SNED1: variants seen among roughly 807,000 people sequenced by gnomAD.
SNED1 encodes the protein sushi, nidogen and EGF like domains 1, also known as sushi, nidogen and EGF-like domain-containing protein 1.
Under a neutral mutation model 166.7 loss-of-function variants are expected in SNED1, and 81 were observed. The observed-to-expected ratio is 0.49, with a 90% CI of 0.41 to 0.58. SNED1 has a LOEUF of 0.58. SNED1 is among the 20% of genes least tolerant of loss of function. The pLI, the probability that SNED1 is intolerant of heterozygous loss-of-function variation, is 0.00. For missense variants in SNED1, 1,604 were observed against 2,000.2 expected (o/e 0.80, Z 3.78); for synonymous variants, 762 against 822.0 (o/e 0.93, Z 1.25).
chr2:241,014,481 G>T (rs1360046591), intron 1 of SNED1, among the ~76,000 whole-genome samples: 1 of 152,168 alleles, frequency 6.6e-6, no homozygotes, highest in Non-Finnish European at 1.5e-5. Flanking sequence ...CTACATGGTG[G>T]GAGGTCACCA....
intron 26 of SNED1, chr2:241,072,983 T>G: frequency 2.1e-6 from 1 of 473,592 alleles, no homozygotes; most frequent in Non-Finnish European, 3.7e-6. Flanking sequence ...GCCGTGAGGA[T>G]GGGGCCTCTC....
intron 4 of SNED1, among the ~76,000 whole-genome samples, chr2:241,036,012 G>GGGGGTTGGAGGTGCGTCACGGGGTGGGTA (rs1553563768): frequency 9.2e-6 from 1 of 108,674 alleles, no homozygotes; most frequent in African/African-American, 3.5e-5. Context: ...GGAGGGGAGT[G>GGGGGTTGGAGGTGCGTCACGGGGTGGGTA]GGGGGTGGAG....
intron 29 of SNED1, among the ~76,000 whole-genome samples, chr2:241,086,723 G>C (rs1035941100): frequency 6.6e-6 from 1 of 152,242 alleles, no homozygotes; most frequent in African/African-American, 2.4e-5. Context: ...TAGCATATGA[G>C]TTGGAGCTTT....
At chr2:241,037,673 G>T (rs2061415091) in intron 6 of SNED1, among the ~76,000 whole-genome samples, 1 of 152,250 alleles carries the variant, frequency 6.6e-6, no homozygotes, top group Admixed American at 6.5e-5. Context: ...CCAGAGCCCG[G>T]ATGGGAGCCC....
At chr2:241,046,186 ACT>A (rs1476770805) in intron 8 of SNED1, among the ~76,000 whole-genome samples, 1 of 152,036 alleles carries the variant, frequency 6.6e-6, no homozygotes, top group Non-Finnish European at 1.5e-5. Flanking sequence ...AGCAACTGGA[ACT>A]CTCACACATT....
chr2:241,068,877 T>C lies in SNED1; in HGVS notation c.3195-34T>C. 1 of 1,424,506 alleles carries C rather than the reference T, an allele frequency of 7.0e-7. No individual in the cohort carries two copies. The highest frequency in any genetic ancestry group is 1.2e-5 in the South Asian group (1 of 80,092). The allele number at this position is 1,424,506 out of a possible 1,614,324, so 88.2% of individuals were successfully genotyped here. On this transcript the variant is annotated intron_variant, in intron 22 of 31. Transcript: ENST00000310397. This position sits in a 1 kb window ranked among gnomAD's most constrained non-coding sequence, Gnocchi z 5.3. ...CAGAGTCACACACAGGTCCCAGACA[T>C]CCCTGTTCTCTCTTTGTCACCTCCT... is the stretch of plus-strand genomic sequence containing the variant.
intron 2 of SNED1, among the ~76,000 whole-genome samples, chr2:241,031,759 T>C (rs1308102485): frequency 3.9e-5 from 6 of 152,230 alleles, no homozygotes; most frequent in Non-Finnish European, 7.3e-5. Flanking sequence ...GTTTTCCGAG[T>C]GTTAGCACTT....
intron 4 of SNED1, 113 bp from the exon 5 acceptor site, chr2:241,036,677 C>A: frequency 6.9e-7 from 1 of 1,451,108 alleles, no homozygotes; most frequent in South Asian, 1.3e-5. Context: ...CACCCGGGCA[C>A]CCAGAGGCCG....
chr2:241,012,970 G>C (rs2060462046), intron 1 of SNED1, among the ~76,000 whole-genome samples: 1 of 151,900 alleles, frequency 6.6e-6, no homozygotes, highest in African/African-American at 2.4e-5. Flanking sequence ...CGAGTAGCTG[G>C]GACTACAGGT....
intron 1 of SNED1, among the ~76,000 whole-genome samples, chr2:241,024,929 C>T (rs983079221): frequency 6.6e-6 from 1 of 152,202 alleles, no homozygotes; most frequent in Non-Finnish European, 1.5e-5. Flanking sequence ...GTGCCTCAGC[C>T]TCCCAAAGTG....
intron 18 of SNED1, 54 bp downstream of exon 18, chr2:241,063,754 C>T: frequency 7.7e-7 from 1 of 1,303,222 alleles, no homozygotes; most frequent in Non-Finnish European, 1.1e-6. Flanking sequence ...TCTGGAAGAT[C>T]AGAGAGGAGG....
At position 240,999,580 on chromosome 2, in the gene SNED1, C is replaced by T. The variant is rs2060013302; in HGVS notation, c.213+530C>T. Among the ~76,000 whole-genome samples the T allele has an allele frequency of 6.6e-6, 1 of 152,206 alleles. No homozygotes were observed. Among genetic ancestry groups the T allele is most frequent in the Admixed American group, 6.5e-5 (1 of 15,290 alleles). ...CAGGGCCTGCTTCTTCGCTGACCCT[C>T]CTAGGCGGGCTAGCAACAGGCTTGC... On this transcript the variant is annotated intron_variant, in intron 1 of 31. Coordinates refer to ENST00000310397, the MANE Select transcript of SNED1 (RefSeq NM_001080437.3). The surrounding 1 kb of genome is among the most constrained non-coding windows in gnomAD (Gnocchi z 5.8).
At position 241,069,773 on chromosome 2, in the gene SNED1, C is replaced by A; in HGVS notation, c.3308-147C>A. On this transcript the variant is annotated intron_variant, in intron 23 of 31. Coordinates refer to ENST00000310397, the MANE Select transcript of SNED1 (RefSeq NM_001080437.3). The surrounding 1 kb of genome is among the most constrained non-coding windows in gnomAD (Gnocchi z 4.9). ...ATTGTGCTGTACGTGCCAGCCCACA[C>A]CCCGCCTCGGCACTGTACCATTCTC... The A allele has an allele frequency of 1.1e-6, 1 of 918,934 alleles. No individual in the cohort carries two copies. Among genetic ancestry groups the A allele is most frequent in the Non-Finnish European group, 1.6e-6 (1 of 623,004 alleles). 56.9% of individuals were successfully genotyped at this position (918,934 alleles called of 1,614,324 possible).
rs2062629918 is a variant in SNED1, at chr2:241,069,989, C to T, written c.3377C>T (p.Ala1126Val). Residue 1126 changes from alanine (A) to valine (V), a missense_variant, in exon 24 of 32, where the codon GCC becomes GTC. This residue lies in a region of SNED1 where 1,237 missense variants were observed against 1,620.8 expected (regional missense o/e 0.76). Coordinates refer to ENST00000310397, the MANE Select transcript of SNED1 (RefSeq NM_001080437.3). This position sits in a 1 kb window ranked among gnomAD's most constrained non-coding sequence, Gnocchi z 4.9. ...ACCTCTGCCCACGTGGTCTGGGATG[C>T]CCCGACTCCAGGCAGCTTGCTGGAG... The part of the protein sequence containing the change: ...TATSAHVVWD[A>V]PTPGSLLEAY... 6.2e-7 allele frequency: 1 copy of T among 1,613,012 alleles called. No homozygotes were observed. The highest frequency in any genetic ancestry group is 1.3e-5 in the African/African-American group (1 of 75,068).
intron 12 of SNED1, 85 bp downstream of exon 12, chr2:241,050,018 T>C (rs1016492886): frequency 5.9e-6 from 6 of 1,018,196 alleles, no homozygotes; most frequent in African/African-American, 4.7e-5. Flanking sequence ...GCTGTCTCTC[T>C]CCTTGTTTCG....
At chr2:241,036,065 T>G (rs1343923019) in intron 4 of SNED1, among the ~76,000 whole-genome samples, 16 of 7,366 alleles carry the variant, frequency 2.2e-3, no homozygotes, top group Admixed American at 5.1e-3. Flanking sequence ...CGTCACAGGG[T>G]GGGGGGTGGG....
chr2:241,030,190 A>G, intron 1 of SNED1, 94 bp from the exon 2 acceptor site: 5 of 1,240,102 alleles, frequency 4.0e-6, no homozygotes, highest in Non-Finnish European at 5.5e-6. Flanking sequence ...TTCCCCTCAG[A>G]GGGTGCCTGG....
chr2:241,036,741 CGA>C (rs750391456), intron 4 of SNED1, 47 bp from the exon 5 acceptor site: 3 of 1,598,476 alleles, frequency 1.9e-6, no homozygotes, highest in Non-Finnish European at 2.5e-6. Flanking sequence ...GCTCTCCTGC[CGA>C]GTCCGGAGGC....
chr2:241,017,028 T>G (rs948907873), intron 1 of SNED1, among the ~76,000 whole-genome samples: 7 of 152,130 alleles, frequency 4.6e-5, no homozygotes, highest in Admixed American at 4.6e-4. Flanking sequence ...AATTTGTATT[T>G]TTAGTAGAGA....
Sources: gnomAD v4.1 joint callset for allele counts (sites outside exome capture counted in the v4.1 genomes callset) on GRCh38, gnomAD v4.1.1 for gene constraint, gnomAD v4.1.1 regional missense constraint, Gnocchi (gnomAD v3.1) non-coding constraint, MANE v1.5 for transcripts, NCBI Gene and HGNC (gene_info 2026-07-23, HGNC 2026-07-21) for gene names.